JARID2: variants seen among roughly 807,000 people sequenced by gnomAD.
JARID2 encodes the protein jumonji and AT-rich interaction domain containing 2, also known as protein Jumonji.
Under a neutral mutation model 125.6 loss-of-function variants are expected in JARID2, and 21 were observed. That is an observed-to-expected ratio of 0.17 (90% CI 0.12 to 0.24). JARID2 has a LOEUF of 0.24. Ranked by LOEUF, JARID2 falls within the 10% of genes least tolerant of loss-of-function variation. JARID2 has a pLI of 1.00. For synonymous variants in JARID2, 736 were observed against 661.6 expected (o/e 1.11, Z -1.73); for missense variants, 1,303 against 1,639.6 (o/e 0.79, Z 3.55).
In JARID2 at chr6:15,496,313, A is replaced by G. The variant is rs1770419824; in HGVS notation, c.1088A>G (p.Asn363Ser). Residue 363 changes from asparagine (N) to serine (S), a missense_variant, in exon 7 of 18, where the codon AAT becomes AGT. By Grantham distance (46) the Asn-to-Ser change is conservative (BLOSUM62 1). This residue lies in a region of JARID2 where 651 missense variants were observed against 581.6 expected (regional missense o/e 1.12). Transcript: ENST00000341776. ...KRELVKDTKP[N>S]HHKPSSAVNH... ...GAACTGGTCAAGGACACCAAACCCA[A>G]TCACCACAAGCCCAGTTCCGCTGTC... 3 of 1,614,190 alleles carry G rather than the reference A, an allele frequency of 1.9e-6. No homozygotes were observed. The highest frequency in any genetic ancestry group is 1.7e-6 in the Non-Finnish European group (2 of 1,180,044).
intron 1 of JARID2, among the ~76,000 whole-genome samples, chr6:15,302,354 G>A (rs1581389184): frequency 6.6e-6 from 1 of 152,126 alleles, no homozygotes; most frequent in South Asian, 2.1e-4. Flanking sequence ...AAGCGGAGTT[G>A]CAGTGAGCTG....
At chr6:15,487,228 C>A in intron 5 of JARID2, 79 bp from the exon 6 acceptor site, 1 of 1,239,500 alleles carries the variant, frequency 8.1e-7, no homozygotes, top group Non-Finnish European at 1.1e-6. Flanking sequence ...GGTGGGGACA[C>A]AGAGCCAAAC....
chr6:15,330,877 C>A (rs1227839809), intron 1 of JARID2, among the ~76,000 whole-genome samples: 1 of 152,280 alleles, frequency 6.6e-6, no homozygotes, highest in African/African-American at 2.4e-5. Context: ...CAGAATACTT[C>A]AAAGTAGTCT....
intron 1 of JARID2, among the ~76,000 whole-genome samples, chr6:15,295,851 T>C (rs962620537): frequency 5.9e-5 from 9 of 152,100 alleles, no homozygotes; most frequent in African/African-American, 1.9e-4. Context: ...TTAGTAGAGA[T>C]GGGGCATCAC....
At chr6:15,276,147 C>G (rs1203426907) in intron 1 of JARID2, among the ~76,000 whole-genome samples, 2 of 152,164 alleles carry the variant, frequency 1.3e-5, no homozygotes, top group Admixed American at 6.5e-5. Flanking sequence ...TCCTCCCTTC[C>G]CTATTTAAGC....
chr6:15,416,243 A>T (rs1290806643), intron 3 of JARID2, among the ~76,000 whole-genome samples: 2 of 146,120 alleles, frequency 1.4e-5, no homozygotes, highest in Admixed American at 1.4e-4. Flanking sequence ...GTCCCAGACG[A>T]TGGGCGGCCA....
At chr6:15,397,304 T>C (rs115683526) in intron 2 of JARID2, among the ~76,000 whole-genome samples, 83 of 152,310 alleles carry the variant, frequency 5.4e-4, no homozygotes, top group African/African-American at 2.0e-3. Flanking sequence ...CACAGAAATA[T>C]CATTACAAAT....
chr6:15,462,422 G>GT (rs139694426), intron 4 of JARID2, among the ~76,000 whole-genome samples: 4,701 of 152,288 alleles, frequency 0.031, 237 homozygotes, highest in African/African-American at 0.11. Context: ...CAGCTGCCCT[G>GT]TTTGAGTCTC....
chr6:15,501,757 C>T (rs75084473), intron 8 of JARID2, among the ~76,000 whole-genome samples: 2,340 of 152,218 alleles, frequency 0.015, 68 homozygotes, highest in African/African-American at 0.053. Flanking sequence ...GAGTCCATTC[C>T]GCCTGCCTAG....
chr6:15,421,654 T>G (rs1766494985), intron 3 of JARID2, among the ~76,000 whole-genome samples: 1 of 152,206 alleles, frequency 6.6e-6, no homozygotes, highest in African/African-American at 2.4e-5. Context: ...GAAATACCTG[T>G]TTTTAAGGTT....
chr6:15,483,678 A>G (rs190784332), intron 5 of JARID2, among the ~76,000 whole-genome samples: 50 of 152,220 alleles, frequency 3.3e-4, no homozygotes, highest in African/African-American at 1.1e-3. Context: ...ATTTCCCCCA[A>G]TTTTTAACGA....
chr6:15,357,554 T>C (rs1189801971), intron 1 of JARID2, among the ~76,000 whole-genome samples: 1 of 152,196 alleles, frequency 6.6e-6, no homozygotes, highest in Non-Finnish European at 1.5e-5. Context: ...CTGAAGCTGT[T>C]TGTAAAAGGG....
intron 3 of JARID2, among the ~76,000 whole-genome samples, chr6:15,421,093 C>T (rs1010501385): frequency 1.3e-5 from 2 of 152,056 alleles, no homozygotes; most frequent in Non-Finnish European, 2.9e-5. Flanking sequence ...TTGGCCTCCC[C>T]TTGTGTTTCT....
intron 1 of JARID2, among the ~76,000 whole-genome samples, chr6:15,294,335 G>C (rs140657968): frequency 1.8e-3 from 271 of 152,266 alleles, no homozygotes; most frequent in African/African-American, 6.2e-3. Flanking sequence ...TGGGACTATA[G>C]GTGCGTGCCA....
At chr6:15,506,602 G>A (rs1159776038) in intron 9 of JARID2, among the ~76,000 whole-genome samples, 1 of 152,186 alleles carries the variant, frequency 6.6e-6, no homozygotes, top group Non-Finnish European at 1.5e-5. Context: ...TGCGTGGGGA[G>A]GCTTGTCTCA....
chr6:15,262,678 C>T (rs962492710), intron 1 of JARID2, among the ~76,000 whole-genome samples: 2 of 151,802 alleles, frequency 1.3e-5, no homozygotes, highest in Non-Finnish European at 2.9e-5. Context: ...GCTGGGATTA[C>T]AGGTGTGCGC....
chr6:15,476,205 A>G (rs1019783015), intron 5 of JARID2, among the ~76,000 whole-genome samples: 2 of 152,206 alleles, frequency 1.3e-5, no homozygotes, highest in Admixed American at 1.3e-4. Flanking sequence ...TTTGGCCAAT[A>G]TTTTAATTAG....
chr6:15,312,873 C>T (rs1324998268), intron 1 of JARID2, among the ~76,000 whole-genome samples: 1 of 152,170 alleles, frequency 6.6e-6, no homozygotes, highest in Non-Finnish European at 1.5e-5. Context: ...ATGATCCAGC[C>T]AGATTCTGCC....
intron 1 of JARID2, among the ~76,000 whole-genome samples, chr6:15,321,276 A>T (rs1762344686): frequency 1.3e-5 from 2 of 152,152 alleles, no homozygotes; most frequent in Non-Finnish European, 2.9e-5. Context: ...TCATTTTTTT[A>T]CATCACAAAG....
Sources: allele counts gnomAD v4.1 joint callset (sites outside exome capture counted in the v4.1 genomes callset), GRCh38; gene constraint gnomAD v4.1.1; regional missense constraint gnomAD v4.1.1; transcripts MANE v1.5; gene names NCBI Gene and HGNC (gene_info 2026-07-23, HGNC 2026-07-21).